Variants in PRKCI observed in about 807,000 individuals in gnomAD.
PRKCI encodes the protein protein kinase C iota type.
Under a neutral mutation model 84.0 loss-of-function variants are expected in PRKCI, and 43 were observed. That is an observed-to-expected ratio of 0.51 (90% CI 0.40 to 0.66). The LOEUF is 0.66. Ranked by LOEUF, PRKCI falls within the 30% of genes least tolerant of loss-of-function variation. PRKCI has a pLI of 0.00. For synonymous variants in PRKCI, 216 were observed against 234.4 expected (o/e 0.92, Z 0.72); for missense variants, 459 against 745.6 (o/e 0.62, Z 4.48).
At chr3:170,229,844 T>G (rs949303440) in intron 1 of PRKCI, among the ~76,000 whole-genome samples, 3 of 152,232 alleles carry the variant, frequency 2.0e-5, no homozygotes, top group Admixed American at 2.0e-4. Context: ...CTTTTAAATT[T>G]TTGACTGTCA....
chr3:170,303,263 A>G lies in PRKCI; in HGVS notation c.*136A>G, dbSNP rs368763273. ...CACCCAATATCTTCTCTTGTAGACT[A>G]TATGAATCAATTATTACATCTGTTT... On this transcript the variant is annotated 3_prime_UTR_variant, in exon 18 of 18. Transcript: ENST00000295797. The G allele has an allele frequency of 4.6e-4, 220 of 477,946 alleles. 2 individuals carry two copies. Among genetic ancestry groups the G allele is most frequent in the African/African-American group, 3.2e-3 (160 of 49,896 alleles). 29.6% of individuals were successfully genotyped at this position (477,946 alleles called of 1,614,324 possible).
At chr3:170,251,085 TA>T (rs1048448557) in intron 2 of PRKCI, among the ~76,000 whole-genome samples, 1 of 151,984 alleles carries the variant, frequency 6.6e-6, no homozygotes, top group Non-Finnish European at 1.5e-5. Context: ...AAATAGGTTT[TA>T]AAAAAAATCT....
chr3:170,262,665 T>C (rs1251745836), intron 3 of PRKCI, among the ~76,000 whole-genome samples: 1 of 151,938 alleles, frequency 6.6e-6, no homozygotes, highest in Admixed American at 6.6e-5. Context: ...TATTTTTTGG[T>C]AGAGACAGAG....
At chr3:170,281,126 A>G (rs1734232466) in intron 9 of PRKCI, 40 bp from the exon 10 acceptor site, 2 of 1,502,314 alleles carry the variant, frequency 1.3e-6, no homozygotes, top group East Asian at 2.3e-5. Context: ...ATTAATTGTG[A>G]TATCAGTTTG....
At position 170,293,369 on chromosome 3, in the gene PRKCI, A is replaced by C; in HGVS notation, c.1292-14A>C. 6 of 1,598,330 alleles carry C rather than the reference A, an allele frequency of 3.8e-6. No homozygotes were observed. The highest frequency in any genetic ancestry group is 3.4e-6 in the Non-Finnish European group (4 of 1,174,828). The stretch of plus-strand genomic sequence containing the variant: ...AAAGTGTATAATTTATTGCTTTAAA[A>C]TTTCTTTCTGAAGGTTTCAGTGTTG... On this transcript the variant is annotated splice_polypyrimidine_tract_variant and intron_variant, in intron 13 of 17. Coordinates refer to ENST00000295797, the MANE Select transcript of PRKCI (RefSeq NM_002740.6).
At position 170,280,421 on chromosome 3, in the gene PRKCI, T is replaced by A. The variant is rs778743299; in HGVS notation, c.882+18T>A. ...ATGATGAGGTAAGCACTGCATATTTTATTGCTTCTAAACTGCTTGAGAATA... is the reference window on the plus strand; with the variant it reads ...ATGATGAGGTAAGCACTGCATATTTAATTGCTTCTAAACTGCTTGAGAATA... On this transcript the variant is annotated intron_variant, in intron 9 of 17. Coordinates refer to ENST00000295797, the MANE Select transcript of PRKCI (RefSeq NM_002740.6). 6.3e-7 allele frequency: 1 copy of A among 1,593,822 alleles called. No individual in the cohort carries two copies. Among genetic ancestry groups the A allele is most frequent in the Non-Finnish European group, 8.6e-7 (1 of 1,169,278 alleles).
intron 2 of PRKCI, among the ~76,000 whole-genome samples, chr3:170,237,225 T>C (rs573953318): frequency 1.3e-5 from 2 of 152,342 alleles, no homozygotes; most frequent in South Asian, 4.1e-4. Flanking sequence ...TGGTGAAGTA[T>C]GAATTGGCCT....
intron 2 of PRKCI, among the ~76,000 whole-genome samples, chr3:170,245,936 A>G (rs953893231): frequency 3.1e-4 from 34 of 109,250 alleles, no homozygotes; most frequent in Non-Finnish European, 6.1e-4. Context: ...TTTTCCCTGG[A>G]TGTTATGTCT....
chr3:170,251,067 C>T (rs1026747716), intron 2 of PRKCI, among the ~76,000 whole-genome samples: 2 of 151,664 alleles, frequency 1.3e-5, no homozygotes, highest in African/African-American at 2.4e-5. Flanking sequence ...TCCACAGTAG[C>T]GACATAAAAA....
At chr3:170,278,063 C>G (rs536744292) in intron 8 of PRKCI, among the ~76,000 whole-genome samples, 3 of 152,270 alleles carry the variant, frequency 2.0e-5, no homozygotes, top group Non-Finnish European at 4.4e-5. Context: ...TTGTGAGCTA[C>G]TTTTGCAGGA....
At chr3:170,270,220 CTT>C (rs1158662573) in intron 5 of PRKCI, among the ~76,000 whole-genome samples, 199 bp from the exon 6 acceptor site, 2 of 152,176 alleles carry the variant, frequency 1.3e-5, no homozygotes, top group Non-Finnish European at 2.9e-5. Context: ...TTCACTGTCT[CTT>C]TAAAATAAGC....
At chr3:170,283,036 C>T (rs867875052) in intron 11 of PRKCI, among the ~76,000 whole-genome samples, 2 of 149,480 alleles carry the variant, frequency 1.3e-5, no homozygotes, top group African/African-American at 4.9e-5. Flanking sequence ...GCCCGGGAGG[C>T]GGAGGTTGCA....
At chr3:170,297,741 C>T (rs1023701433) in intron 16 of PRKCI, among the ~76,000 whole-genome samples, 1 of 151,916 alleles carries the variant, frequency 6.6e-6, no homozygotes, top group Admixed American at 6.6e-5. Flanking sequence ...CAGATGTGAG[C>T]CACCACACCC....
intron 4 of PRKCI, among the ~76,000 whole-genome samples, chr3:170,266,553 A>C (rs1461922709): frequency 6.6e-6 from 1 of 152,210 alleles, no homozygotes; most frequent in African/African-American, 2.4e-5. Flanking sequence ...CTCTTTAAAA[A>C]AAAAAAAAAG....
chr3:170,280,584 G>A, intron 9 of PRKCI, among the ~76,000 whole-genome samples, 181 bp downstream of exon 9: 1 of 152,076 alleles, frequency 6.6e-6, no homozygotes, highest in East Asian at 1.9e-4. Context: ...AAGTAGCTGG[G>A]ATTACAGGCA....
At position 170,233,496 on chromosome 3, in the gene PRKCI, T is replaced by C. The variant is rs550745423; in HGVS notation, c.102-1734T>C. 2.8e-4 allele frequency among the ~76,000 whole-genome samples: 43 copies of C among 152,328 alleles called. 1 individual carries two copies. The East Asian group carries it at 7.7e-3, about 27-fold the overall frequency. On this transcript the variant is annotated intron_variant, in intron 1 of 17. Transcript: ENST00000295797. ...AAAAACATCATACGTGCATAATTTGTTTTATACCTTTAGAATGTAATATCT... is the reference window on the plus strand; with the variant it reads ...AAAAACATCATACGTGCATAATTTGCTTTATACCTTTAGAATGTAATATCT...
At chr3:170,291,814 T>C (rs1734560596) in intron 12 of PRKCI, 40 bp from the exon 13 acceptor site, 17 of 1,509,372 alleles carry the variant, frequency 1.1e-5, no homozygotes, top group Non-Finnish European at 1.5e-5. Context: ...AAAACAGAAC[T>C]TTTTATCTCA....
At chr3:170,225,313 A>G (rs907473619) in intron 1 of PRKCI, among the ~76,000 whole-genome samples, 1 of 152,230 alleles carries the variant, frequency 6.6e-6, no homozygotes, top group East Asian at 1.9e-4. Context: ...ATGTGTTTGT[A>G]TAGTCTAAAC....
intron 1 of PRKCI, among the ~76,000 whole-genome samples, chr3:170,227,239 C>G (rs887274134): frequency 2.0e-5 from 3 of 152,042 alleles, no homozygotes; most frequent in Non-Finnish European, 4.4e-5. Context: ...TCCAGTCTTG[C>G]TTAAGATTTC....
Sources: gnomAD v4.1 joint callset for allele counts (sites outside exome capture counted in the v4.1 genomes callset) on GRCh38, gnomAD v4.1.1 for gene constraint, MANE v1.5 for transcripts, NCBI Gene and HGNC (gene_info 2026-07-23, HGNC 2026-07-21) for gene names.